INPP4B: variants seen among roughly 807,000 people sequenced by gnomAD.
The protein encoded by INPP4B is inositol polyphosphate-4-phosphatase type II B.
In INPP4B, 55 loss-of-function variants were observed where a neutral mutation model predicts 122.5. The ratio of observed to expected loss-of-function variants is 0.45; its 90% CI spans 0.36 to 0.56. The LOEUF (loss-of-function observed/expected upper bound fraction) is 0.56, where lower values mean the gene tolerates loss of function less well. Among genes scored for constraint, INPP4B ranks in the 20% least tolerant of loss-of-function variants. The pLI is 0.00. For missense variants in INPP4B, 1,000 were observed against 1,097.7 expected (o/e 0.91, Z 1.26); for synonymous variants, 403 against 388.7 (o/e 1.04, Z -0.43).
At chr4:142,838,019 C>T (rs1305948609) in intron 1 of INPP4B, among the ~76,000 whole-genome samples, 2 of 149,420 alleles carry the variant, frequency 1.3e-5, no homozygotes, top group Non-Finnish European at 3.0e-5. Flanking sequence ...TGCTTACAGC[C>T]ATGGGAAAGT....
At chr4:142,535,788 A>G (rs1380075279) in intron 2 of INPP4B, among the ~76,000 whole-genome samples, 1 of 152,010 alleles carries the variant, frequency 6.6e-6, no homozygotes, top group African/African-American at 2.4e-5. Flanking sequence ...ACTCTTCTCC[A>G]TAGAAATCTC....
At chr4:142,650,490 C>T (rs761564059) in intron 2 of INPP4B, among the ~76,000 whole-genome samples, 23 of 150,442 alleles carry the variant, frequency 1.5e-4, no homozygotes, top group Non-Finnish European at 3.0e-4. Flanking sequence ...TACAGAGACA[C>T]ATATAGGCTC....
intron 2 of INPP4B, among the ~76,000 whole-genome samples, chr4:142,722,565 GA>G (rs550353344): frequency 8.8e-4 from 134 of 152,006 alleles, no homozygotes; most frequent in Middle Eastern, 3.4e-3. Context: ...TTTTGCAAAT[GA>G]AAAAAATCAT....
chr4:142,214,088 C>A (rs1309083482), intron 12 of INPP4B, among the ~76,000 whole-genome samples: 1 of 152,170 alleles, frequency 6.6e-6, no homozygotes, highest in East Asian at 1.9e-4. Context: ...CTATGCCATA[C>A]AGTGGGGTAA....
At chr4:142,791,343 G>C (rs1200371349) in intron 1 of INPP4B, among the ~76,000 whole-genome samples, 1 of 152,102 alleles carries the variant, frequency 6.6e-6, no homozygotes, top group African/African-American at 2.4e-5. Flanking sequence ...TTTCCAGGAG[G>C]AGGAAATGGC....
intron 1 of INPP4B, among the ~76,000 whole-genome samples, chr4:142,830,355 C>T (rs1307655138): frequency 1.3e-5 from 2 of 152,158 alleles, no homozygotes; most frequent in African/African-American, 4.8e-5. Context: ...AAGTCTCTCT[C>T]TTTTAGTGAC....
intron 2 of INPP4B, among the ~76,000 whole-genome samples, chr4:142,576,027 T>G (rs145265601): frequency 2.2e-4 from 34 of 152,140 alleles, no homozygotes; most frequent in African/African-American, 7.9e-4. Flanking sequence ...TTCAAATGTG[T>G]TTTAACTAGC....
chr4:142,806,770 A>AGAAAGAAGGAAAGAAG (rs1778820114), intron 1 of INPP4B, among the ~76,000 whole-genome samples: 1 of 87,024 alleles, frequency 1.1e-5, no homozygotes, highest in Admixed American at 1.1e-4. Context: ...GAAAGAAGAA[A>AGAAAGAAGGAAAGAAG]GAAAGAAAGA....
chr4:142,492,203 C>T (rs1192393168), intron 2 of INPP4B, among the ~76,000 whole-genome samples: 1 of 152,124 alleles, frequency 6.6e-6, no homozygotes, highest in Non-Finnish European at 1.5e-5. Flanking sequence ...CCTCTCCAGA[C>T]ATGTTGAATT....
intron 12 of INPP4B, among the ~76,000 whole-genome samples, chr4:142,212,136 G>A (rs547250411): frequency 4.6e-5 from 7 of 152,176 alleles, no homozygotes. Context: ...AGATGTACTT[G>A]TACCATCTGA....
chr4:142,270,784 A>C lies in INPP4B; in HGVS notation c.504-10T>G. 1.3e-6 allele frequency: 2 copies of C among 1,565,472 alleles called. No individual in the cohort carries two copies. Among genetic ancestry groups the C allele is most frequent in the Non-Finnish European group, 1.8e-6 (2 of 1,135,782 alleles). On this transcript the variant is annotated splice_polypyrimidine_tract_variant and intron_variant, in intron 9 of 25. Transcript: ENST00000262992. The stretch of plus-strand genomic sequence containing the variant: ...GCCACCATCTGAAGTTCTGCAACAA[A>C]AAATACACGAAATGGAAAGGTAAGA...
Position 142,160,340 on chromosome 4 carries a change from G to C in INPP4B, c.1563+18C>G. On this transcript the variant is annotated intron_variant, in intron 17 of 25. Transcript: ENST00000262992. ...CATTGCCAAACATTGAGAGGCAAGC[G>C]ATATACAAGAGACTTACCCACTCTT... 7.2e-7 allele frequency: 1 copy of C among 1,395,514 alleles called. No individual in the cohort carries two copies. Among genetic ancestry groups the C allele is most frequent in the Non-Finnish European group, 9.6e-7 (1 of 1,044,156 alleles). 86.4% of individuals were successfully genotyped at this position (1,395,514 alleles called of 1,614,324 possible).
chr4:142,721,936 A>G (rs541918056), intron 2 of INPP4B, among the ~76,000 whole-genome samples: 25 of 152,308 alleles, frequency 1.6e-4, no homozygotes, highest in African/African-American at 6.0e-4. Context: ...TTTTAAATAT[A>G]CCTTCAATGG....
intron 1 of INPP4B, among the ~76,000 whole-genome samples, chr4:142,751,521 A>G (rs992315400): frequency 2.6e-5 from 4 of 152,218 alleles, no homozygotes; most frequent in African/African-American, 9.6e-5. Context: ...GCTATGTAAT[A>G]TGCATCCCTG....
chr4:142,556,189 C>T (rs983116111), intron 2 of INPP4B, among the ~76,000 whole-genome samples: 3 of 152,126 alleles, frequency 2.0e-5, no homozygotes, highest in African/African-American at 7.2e-5. Context: ...TATGGTTGGT[C>T]AAAGGTGTGG....
chr4:142,481,795 A>C (rs1342867511), intron 2 of INPP4B, among the ~76,000 whole-genome samples: 1 of 152,156 alleles, frequency 6.6e-6, no homozygotes. Flanking sequence ...AATATGTTAT[A>C]ATCTGTTCCG....
intron 17 of INPP4B, among the ~76,000 whole-genome samples, chr4:142,148,567 T>C (rs1453377316): frequency 6.6e-6 from 1 of 152,188 alleles, no homozygotes; most frequent in Non-Finnish European, 1.5e-5. Context: ...GCTTTTCTTA[T>C]ATAAAGGAAT....
At chr4:142,839,331 G>A (rs553472361) in intron 1 of INPP4B, among the ~76,000 whole-genome samples, 4 of 152,126 alleles carry the variant, frequency 2.6e-5, no homozygotes, top group Admixed American at 6.6e-5. Context: ...GGTAGTGTGC[G>A]CCTGTAATCC....
chr4:142,676,645 A>G (rs1047773816), intron 2 of INPP4B, among the ~76,000 whole-genome samples: 1 of 152,210 alleles, frequency 6.6e-6, no homozygotes, highest in Admixed American at 6.5e-5. Flanking sequence ...AAACAGATAT[A>G]TAGACCAATG....
Sources: gnomAD v4.1 joint callset for allele counts (sites outside exome capture counted in the v4.1 genomes callset) on GRCh38, gnomAD v4.1.1 for gene constraint, MANE v1.5 for transcripts, NCBI Gene and HGNC (gene_info 2026-07-23, HGNC 2026-07-21) for gene names.